The following ABCC11 variants were observed in gnomAD, a reference collection of about 807,000 sequenced individuals.
The protein encoded by ABCC11 is ATP binding cassette subfamily C member 11.
A neutral mutation model predicts 149.3 loss-of-function variants in ABCC11; 135 were observed. The ratio of observed to expected loss-of-function variants is 0.90; its 90% CI spans 0.79 to 1.04. The LOEUF is 1.04. Ranked by LOEUF, ABCC11 falls within the 50% of genes least tolerant of loss-of-function variation. The pLI, the probability that ABCC11 is intolerant of heterozygous loss-of-function variation, is 0.00. For synonymous variants in ABCC11, 665 were observed against 671.4 expected (o/e 0.99, Z 0.15); for missense variants, 1,680 against 1,722.1 (o/e 0.98, Z 0.43).
chr16:48,187,535 G>T lies in ABCC11; in HGVS notation c.2707-108C>A, dbSNP rs1966821325. 4.4e-6 allele frequency: 4 copies of T among 917,938 alleles called. No individual in the cohort carries two copies. In the African/African-American group the frequency reaches 5.0e-5, roughly 11 times the overall value. The allele number at this position is 917,938 out of a possible 1,614,324, so 56.9% of individuals were successfully genotyped here. A position where few individuals can be genotyped will look rare whatever the true frequency, so the allele number is the denominator to read the frequency against. Reference sequence around the variant, plus strand: ...CTCTAAAGAGCCACGGATCCCAGGGGTCTCCAGGGCAGGCAATGTAGAGCA... The same window carrying T: ...CTCTAAAGAGCCACGGATCCCAGGGTTCTCCAGGGCAGGCAATGTAGAGCA... On this transcript the variant is annotated intron_variant, in intron 20 of 29. Transcript: ENST00000356608.
At chr16:48,197,926 C>T (rs1269221300) in intron 17 of ABCC11, 45 bp downstream of exon 17, 1 of 1,601,514 alleles carries the variant, frequency 6.2e-7, no homozygotes, top group Admixed American at 1.7e-5. Context: ...CTGGAGGACC[C>T]AGGCAGGCAT....
intron 1 of ABCC11, among the ~76,000 whole-genome samples, chr16:48,241,509 A>G (rs1970967935): frequency 6.6e-6 from 1 of 152,198 alleles, no homozygotes; most frequent in African/African-American, 2.4e-5. Context: ...CCATCAAGCT[A>G]CCAATGACTT....
intron 20 of ABCC11, among the ~76,000 whole-genome samples, chr16:48,188,037 A>C (rs1383812498): frequency 6.6e-6 from 1 of 152,146 alleles, no homozygotes; most frequent in Non-Finnish European, 1.5e-5. Context: ...CAATGACTTG[A>C]TGACTTGGAA....
chr16:48,216,036 A>T, intron 7 of ABCC11, 78 bp downstream of exon 7: 6 of 1,445,662 alleles, frequency 4.2e-6, no homozygotes, highest in Non-Finnish European at 5.7e-6. Context: ...CAATGTTCTC[A>T]CTCAGAGCTA....
At chr16:48,193,449 T>C (rs558006304) in intron 19 of ABCC11, among the ~76,000 whole-genome samples, 1 of 152,150 alleles carries the variant, frequency 6.6e-6, no homozygotes, top group Non-Finnish European at 1.5e-5. Context: ...ATGGAGACAG[T>C]GGAACCTTCC....
Position 48,246,831 on chromosome 16 carries a change from C to T in ABCC11, c.-19+483G>A, listed in dbSNP as rs377402282. 8.5e-5 allele frequency among the ~76,000 whole-genome samples: 13 copies of T among 152,108 alleles called. No individual in the cohort carries two copies. The East Asian group carries it at 2.1e-3, about 25-fold the overall frequency. ...CTCAAGCTATCCCCTGCTTTGGCCT[C>T]TGGAGTAGCTGGGACTATAGGCAAG... On this transcript the variant is annotated intron_variant, in intron 1 of 29. Coordinates refer to ENST00000356608, the MANE Select transcript of ABCC11 (RefSeq NM_001370497.1).
At position 48,202,217 on chromosome 16, in the gene ABCC11, C is replaced by T. The variant is rs575236839; in HGVS notation, c.1878+1011G>A. Among the ~76,000 whole-genome samples the T allele has an allele frequency of 1.9e-4, 29 of 152,306 alleles. 2 individuals carry two copies. In the South Asian group the frequency reaches 5.6e-3, roughly 29 times the overall value. ...GATCAGGTCAGTACTCTTATTTATG[C>T]CATTTTACAGATGAGACCTTGTTCT... On this transcript the variant is annotated intron_variant, in intron 14 of 29. Coordinates refer to ENST00000356608, the MANE Select transcript of ABCC11 (RefSeq NM_001370497.1).
At chr16:48,174,266 C>T (rs1397843123) in intron 26 of ABCC11, among the ~76,000 whole-genome samples, 1 of 152,144 alleles carries the variant, frequency 6.6e-6, no homozygotes, top group African/African-American at 2.4e-5. Flanking sequence ...GGCTCCAGTC[C>T]CTAGCACAGT....
Position 48,187,005 on chromosome 16 carries a change from G to T in ABCC11, c.3019C>A (p.Gln1007Lys). ...TAGACATGGATGGAGCTCAGGCCTT[G>T]CAGAGAATTGAGGATGTGGGAGAAT... ...PLFSHILNSL[Q>K]GLSSIHVYGK... Residue 1007 changes from glutamine to lysine, a missense_variant, in exon 22 of 30, where the codon CAA becomes AAA. Gln to Lys is a moderately conservative substitution (Grantham distance 53). Transcript: ENST00000356608. 1 of 1,614,152 alleles carries T rather than the reference G, an allele frequency of 6.2e-7. No homozygotes were observed. Among genetic ancestry groups the T allele is most frequent in the Non-Finnish European group, 8.5e-7 (1 of 1,180,030 alleles).
chr16:48,240,824 G>T (rs1970929898), intron 1 of ABCC11, among the ~76,000 whole-genome samples: 1 of 151,980 alleles, frequency 6.6e-6, no homozygotes, highest in Non-Finnish European at 1.5e-5. Flanking sequence ...GAGAAAAATA[G>T]TAACTTACAG....
chr16:48,194,098 A>G (rs1161322860), intron 18 of ABCC11, 116 bp from the exon 19 acceptor site: 13 of 684,976 alleles, frequency 1.9e-5, no homozygotes, highest in Non-Finnish European at 3.0e-5. Context: ...AGCCCCACCC[A>G]ATGTGGACAC....
intron 14 of ABCC11, among the ~76,000 whole-genome samples, chr16:48,201,474 C>CTT (rs560323114): frequency 0.019 from 2,288 of 123,422 alleles, 74 homozygotes; most frequent in African/African-American, 0.047. Flanking sequence ...TTTTCTTTTT[C>CTT]TTTTTTTTTT....
rs16945943 is a variant in ABCC11 at position 48,205,282 on chromosome 16, G to C, written c.1805+131C>G. On this transcript the variant is annotated intron_variant, in intron 13 of 29. Coordinates refer to ENST00000356608, the MANE Select transcript of ABCC11 (RefSeq NM_001370497.1). ...ATGATGGTATTTCTTTCACAGTGAG[G>C]GGTGAATATGATAATGCGTTTAAGT... 4.8e-4 allele frequency: 623 copies of C among 1,301,724 alleles called. 2 individuals are homozygous for C. The African/African-American group carries it at 8.3e-3, about 17-fold the overall frequency. The allele number at this position is 1,301,724 out of a possible 1,614,324, so 80.6% of individuals were successfully genotyped here. A position where few individuals can be genotyped will look rare whatever the true frequency, so the allele number is the denominator to read the frequency against.
At chr16:48,226,028 G>C (rs1201468295) in intron 4 of ABCC11, among the ~76,000 whole-genome samples, 1 of 151,520 alleles carries the variant, frequency 6.6e-6, no homozygotes. Context: ...AACTCAAATT[G>C]ACTTAGCTGG....
chr16:48,172,236 T>C (rs772748273), intron 26 of ABCC11, among the ~76,000 whole-genome samples: 3 of 152,212 alleles, frequency 2.0e-5, no homozygotes, highest in Non-Finnish European at 4.4e-5. Context: ...TTCCATTGTA[T>C]GTATATACCA....
intron 26 of ABCC11, among the ~76,000 whole-genome samples, chr16:48,171,793 A>G (rs1829715633): frequency 6.6e-6 from 1 of 151,846 alleles, no homozygotes; most frequent in Admixed American, 6.6e-5. Flanking sequence ...GTAAAACCCC[A>G]CTCCACTAAA....
At chr16:48,187,625 C>G (rs1472564317) in intron 20 of ABCC11, among the ~76,000 whole-genome samples, 198 bp from the exon 21 acceptor site, 1 of 152,142 alleles carries the variant, frequency 6.6e-6, no homozygotes, top group African/African-American at 2.4e-5. Flanking sequence ...TGTCTGACCT[C>G]GGGCAAGTAC....
intron 12 of ABCC11, among the ~76,000 whole-genome samples, 153 bp downstream of exon 12, chr16:48,208,272 A>C (rs758513189): frequency 6.6e-6 from 1 of 152,220 alleles, no homozygotes; most frequent in Non-Finnish European, 1.5e-5. Flanking sequence ...CCTCCCGCAC[A>C]GTGCAAGCAC....
At chr16:48,195,072 CAT>C in intron 18 of ABCC11, among the ~76,000 whole-genome samples, 1 of 152,336 alleles carries the variant, frequency 6.6e-6, no homozygotes, top group East Asian at 1.9e-4. Flanking sequence ...TTCATGCTCA[CAT>C]GTCCCGTGCC....
Sources: allele counts gnomAD v4.1 joint callset (sites outside exome capture counted in the v4.1 genomes callset), GRCh38; gene constraint gnomAD v4.1.1; transcripts MANE v1.5; gene names NCBI Gene and HGNC (gene_info 2026-07-23, HGNC 2026-07-21).